LINGO2: variants seen among roughly 807,000 people sequenced by gnomAD.
The protein encoded by LINGO2 is leucine-rich repeat and immunoglobulin-like domain-containing nogo receptor-interacting protein 2.
Under a neutral mutation model 30.6 loss-of-function variants are expected in LINGO2, and 14 were observed. That is an observed-to-expected ratio of 0.46 (90% CI 0.30 to 0.72). The LOEUF is 0.72. Ranked by LOEUF, LINGO2 falls within the 30% of genes least tolerant of loss-of-function variation. LINGO2 has a pLI of 0.07. For synonymous variants in LINGO2, 317 were observed against 288.5 expected, an observed-to-expected ratio of 1.10 and a Z score of -1.00; for missense variants, 729 against 751.7, an observed-to-expected ratio of 0.97 and a Z score of 0.35.
chr9:28,008,586 T>A (rs1424742815), intron 5 of LINGO2, among the ~76,000 whole-genome samples: 2 of 10,328 alleles, frequency 1.9e-4, no homozygotes, highest in Non-Finnish European at 1.2e-3. Context: ...AATAGATGAG[T>A]TTTAGCAAGA....
intron 1 of LINGO2, among the ~76,000 whole-genome samples, chr9:28,585,850 G>A (rs965609675): frequency 1.1e-4 from 16 of 151,980 alleles, no homozygotes; most frequent in Non-Finnish European, 2.4e-4. Context: ...GATTGTCATT[G>A]TTGAGCACCT....
At chr9:28,858,429 T>A in the LINGO2 span, among the ~76,000 whole-genome samples, 1 of 152,240 alleles carries the variant, frequency 6.6e-6, no homozygotes, top group Non-Finnish European at 1.5e-5. Context: ...TACTGTCTGA[T>A]AAATGAACTT....
chr9:28,294,586 T>C (rs2134182063), intron 4 of LINGO2, among the ~76,000 whole-genome samples: 1 of 152,238 alleles, frequency 6.6e-6, no homozygotes, highest in South Asian at 2.1e-4. Flanking sequence ...GGTTAACAGT[T>C]GGGAAGAGTT....
At chr9:29,139,318 A>C in the LINGO2 span, among the ~76,000 whole-genome samples, 3 of 152,188 alleles carry the variant, frequency 2.0e-5, no homozygotes, top group African/African-American at 7.2e-5. Context: ...TGGCATGCCC[A>C]GGTTCCTGGC....
chr9:28,864,670 G>C, the LINGO2 span, among the ~76,000 whole-genome samples: 2 of 151,936 alleles, frequency 1.3e-5, no homozygotes, highest in Admixed American at 1.3e-4. Context: ...GTCCTAGGCA[G>C]TTCACCACTG....
intron 2 of LINGO2, among the ~76,000 whole-genome samples, chr9:28,430,107 C>CGTGTGTGTGTGT (rs112852261): frequency 2.2e-4 from 4 of 18,190 alleles, no homozygotes; most frequent in African/African-American, 3.9e-4. Context: ...CGCGCGCGCG[C>CGTGTGTGTGTGT]GCGTGTGTGT....
chr9:28,781,807 A>G, the LINGO2 span, among the ~76,000 whole-genome samples: 6 of 152,206 alleles, frequency 3.9e-5, no homozygotes, highest in Non-Finnish European at 8.8e-5. Flanking sequence ...TGCAAAAACA[A>G]GTTTAGAAGG....
At chr9:28,450,030 T>C (rs1434364825) in intron 2 of LINGO2, among the ~76,000 whole-genome samples, 2 of 151,988 alleles carry the variant, frequency 1.3e-5, no homozygotes, top group Non-Finnish European at 2.9e-5. Context: ...CACCATAACT[T>C]AGACTCCCTT....
At chr9:28,908,195 T>A in the LINGO2 span, among the ~76,000 whole-genome samples, 1 of 151,374 alleles carries the variant, frequency 6.6e-6, no homozygotes, top group Non-Finnish European at 1.5e-5. Context: ...TCAAGCAGGT[T>A]GCACTGCTGT....
the LINGO2 span, among the ~76,000 whole-genome samples, chr9:29,123,840 T>C: frequency 6.6e-6 from 1 of 152,126 alleles, no homozygotes; most frequent in African/African-American, 2.4e-5. Flanking sequence ...TTATCCTGTG[T>C]TCTGTGTCAA....
chr9:28,090,865 G>A (rs180873649), intron 4 of LINGO2, among the ~76,000 whole-genome samples: 1,855 of 152,282 alleles, frequency 0.012, 29 homozygotes, highest in Non-Finnish European at 0.015. Flanking sequence ...CTTCAGCAAA[G>A]TCTCAGGATA....
chr9:29,150,834 A>G, the LINGO2 span, among the ~76,000 whole-genome samples: 1 of 152,142 alleles, frequency 6.6e-6, no homozygotes, highest in Non-Finnish European at 1.5e-5. Flanking sequence ...TATATGTAAG[A>G]ATGTAGTACA....
intron 1 of LINGO2, among the ~76,000 whole-genome samples, chr9:28,592,402 G>C (rs1824959012): frequency 6.6e-6 from 1 of 152,070 alleles, no homozygotes; most frequent in Non-Finnish European, 1.5e-5. Flanking sequence ...CCCCAGAGTT[G>C]ATTCAGAGAC....
At chr9:28,217,766 T>C (rs542763270) in intron 4 of LINGO2, among the ~76,000 whole-genome samples, 3 of 152,138 alleles carry the variant, frequency 2.0e-5, no homozygotes, top group South Asian at 4.1e-4. Flanking sequence ...CTGTCAGTTA[T>C]TGAGAAAGTA....
chr9:28,503,543 C>G (rs1819979203), intron 1 of LINGO2, among the ~76,000 whole-genome samples: 1 of 151,648 alleles, frequency 6.6e-6, no homozygotes, highest in Non-Finnish European at 1.5e-5. Flanking sequence ...TTTATGGGAA[C>G]AGAGCTTACA....
rs1554650621 is a variant in LINGO2 at position 27,990,470 on chromosome 9, C to CCCCG, written c.-36+21884_-36+21885insCGGG. On this transcript the variant is annotated intron_variant, in intron 5 of 5. Transcript: ENST00000379992. ...ACTTCAGTGGTCTCAATACCCCCCC[C>CCCCG]CCTTTTATTTTTAACTTCAGTAGTG... Among the ~76,000 whole-genome samples, 5 of 146,832 alleles carry CCCCG rather than the reference C, an allele frequency of 3.4e-5. 1 individual carries two copies. Among genetic ancestry groups the CCCCG allele is most frequent in the East Asian group, 2.0e-4 (1 of 4,954 alleles).
intron 1 of LINGO2, among the ~76,000 whole-genome samples, chr9:28,493,974 T>A (rs535886348): frequency 6.6e-6 from 1 of 152,232 alleles, no homozygotes; most frequent in East Asian, 1.9e-4. Context: ...TTGTGGAACC[T>A]CATCTTGTGA....
At chr9:28,620,247 G>C (rs1311962912) in intron 1 of LINGO2, among the ~76,000 whole-genome samples, 1 of 152,110 alleles carries the variant, frequency 6.6e-6, no homozygotes, top group South Asian at 2.1e-4. Flanking sequence ...CCGGAAAAGA[G>C]AGGTAAGTAA....
At chr9:28,525,306 G>A (rs1411456728) in intron 1 of LINGO2, among the ~76,000 whole-genome samples, 1 of 152,080 alleles carries the variant, frequency 6.6e-6, no homozygotes, top group Non-Finnish European at 1.5e-5. Context: ...TTTCCAAAAT[G>A]TTAACCATAA....
Sources: gnomAD v4.1 joint callset for allele counts (sites outside exome capture counted in the v4.1 genomes callset) on GRCh38, gnomAD v4.1.1 for gene constraint, MANE v1.5 for transcripts, NCBI Gene and HGNC (gene_info 2026-07-23, HGNC 2026-07-21) for gene names.